The following GRID2 variants were observed in gnomAD, a reference collection of about 807,000 sequenced individuals.
The protein encoded by GRID2 is glutamate ionotropic receptor delta type subunit 2.
GRID2 carries 33 observed loss-of-function variants against 114.8 expected under a neutral mutation model. The observed-to-expected ratio is 0.29, with a 90% confidence interval of 0.22 to 0.38. The LOEUF (loss-of-function observed/expected upper bound fraction) is 0.38, where lower values mean the gene tolerates loss of function less well. Among genes scored for constraint, GRID2 ranks in the 10% least tolerant of loss-of-function variants. The pLI is 1.00. For synonymous variants in GRID2, 505 were observed against 449.9 expected (o/e 1.12, Z -1.55); for missense variants, 1,184 against 1,257.7 (o/e 0.94, Z 0.89).
At chr4:93,066,396 A>T (rs1045638749) in intron 2 of GRID2, among the ~76,000 whole-genome samples, 1 of 151,928 alleles carries the variant, frequency 6.6e-6, no homozygotes, top group Non-Finnish European at 1.5e-5. Context: ...TGCCTGGACA[A>T]ATTAATATTC....
intron 2 of GRID2, among the ~76,000 whole-genome samples, chr4:92,676,068 A>G (rs1339990679): frequency 6.6e-6 from 1 of 151,512 alleles, no homozygotes; most frequent in African/African-American, 2.4e-5. Flanking sequence ...ATATTTTGTC[A>G]TAAATATAAC....
chr4:92,430,561 T>C (rs1732391162), intron 1 of GRID2, among the ~76,000 whole-genome samples: 1 of 152,152 alleles, frequency 6.6e-6, no homozygotes, highest in African/African-American at 2.4e-5. Flanking sequence ...AGTTTTTCTC[T>C]TTTTGCTTAG....
chr4:93,678,194 G>A (rs186065302), intron 14 of GRID2, among the ~76,000 whole-genome samples: 1 of 152,210 alleles, frequency 6.6e-6, no homozygotes, highest in Non-Finnish European at 1.5e-5. Flanking sequence ...AAGATGAAAT[G>A]AATGAAATGA....
chr4:92,451,253 C>G (rs1236569671), intron 1 of GRID2, among the ~76,000 whole-genome samples: 7 of 151,986 alleles, frequency 4.6e-5, no homozygotes, highest in Non-Finnish European at 1.0e-4. Context: ...TTGAATCAGA[C>G]TGATGAATTC....
At chr4:92,317,983 T>C (rs147381868) in intron 1 of GRID2, among the ~76,000 whole-genome samples, 21 of 152,272 alleles carry the variant, frequency 1.4e-4, no homozygotes, top group African/African-American at 4.6e-4. Context: ...TTTAGATAAT[T>C]ATGTATAAAC....
intron 2 of GRID2, among the ~76,000 whole-genome samples, chr4:92,659,266 C>T (rs1732405935): frequency 6.6e-6 from 1 of 151,570 alleles, no homozygotes; most frequent in South Asian, 2.1e-4. Context: ...TTGCCATTTA[C>T]ATGTTTTTTA....
intron 1 of GRID2, among the ~76,000 whole-genome samples, chr4:92,323,303 T>G (rs193137844): frequency 1.4e-4 from 21 of 152,238 alleles, no homozygotes; most frequent in Admixed American, 2.6e-4. Flanking sequence ...TTTAAAAGGC[T>G]ATTTGTTATA....
intron 4 of GRID2, among the ~76,000 whole-genome samples, chr4:93,113,413 C>T (rs979397971): frequency 2.0e-5 from 3 of 152,144 alleles, no homozygotes; most frequent in Admixed American, 6.6e-5. Context: ...GTGCACTTAA[C>T]CTTGGTTCCC....
chr4:93,684,176 T>C (rs1032274085), intron 14 of GRID2, among the ~76,000 whole-genome samples: 3 of 152,244 alleles, frequency 2.0e-5, no homozygotes, highest in Admixed American at 6.5e-5. Flanking sequence ...GTTTTTGTCT[T>C]TCTGACTTTT....
At chr4:93,786,540 G>C (rs868055796) in intron 1 of GRID2, among the ~76,000 whole-genome samples, 1 of 152,082 alleles carries the variant, frequency 6.6e-6, no homozygotes, top group Non-Finnish European at 1.5e-5. Context: ...CATTTTTTTT[G>C]TAACTGCATG....
At chr4:92,740,694 A>AGAT (rs869051097) in intron 2 of GRID2, among the ~76,000 whole-genome samples, 18 of 16,172 alleles carry the variant, frequency 1.1e-3, no homozygotes, top group African/African-American at 4.0e-3. Context: ...GATAGATGAT[A>AGAT]GATAGATAGA....
intron 1 of GRID2, among the ~76,000 whole-genome samples, chr4:92,529,171 T>A (rs761706644): frequency 9.9e-5 from 15 of 152,038 alleles, no homozygotes; most frequent in Non-Finnish European, 1.8e-4. Flanking sequence ...TAATCATAAT[T>A]CATCATTATC....
At chr4:93,620,419 A>G (rs1348644565) in intron 13 of GRID2, among the ~76,000 whole-genome samples, 1 of 152,210 alleles carries the variant, frequency 6.6e-6, no homozygotes, top group African/African-American at 2.4e-5. Flanking sequence ...GATTCAAATC[A>G]AAATTGGTGA....
chr4:93,118,026 T>A (rs1010506284), intron 4 of GRID2, among the ~76,000 whole-genome samples: 3 of 152,122 alleles, frequency 2.0e-5, no homozygotes, highest in Non-Finnish European at 4.4e-5. Context: ...TATTTTGAGC[T>A]CTCCATCTCA....
At chr4:93,276,497 G>A (rs1259864991) in intron 8 of GRID2, among the ~76,000 whole-genome samples, 3 of 151,976 alleles carry the variant, frequency 2.0e-5, no homozygotes, top group East Asian at 1.9e-4. Context: ...GATGGGGATT[G>A]TGTTGAATCT....
At chr4:92,992,818 G>A (rs1445055904) in intron 2 of GRID2, among the ~76,000 whole-genome samples, 1 of 152,096 alleles carries the variant, frequency 6.6e-6, no homozygotes, top group Non-Finnish European at 1.5e-5. Flanking sequence ...ATGCCTTTCA[G>A]AATTTTTCAC....
At chr4:92,377,002 A>AT in intron 1 of GRID2, among the ~76,000 whole-genome samples, 1 of 152,076 alleles carries the variant, frequency 6.6e-6, no homozygotes, top group South Asian at 2.1e-4. Context: ...CCCTGGAAAT[A>AT]TTTTTGCCAT....
At chr4:92,608,064 A>G (rs1472774827) in intron 2 of GRID2, among the ~76,000 whole-genome samples, 3 of 151,856 alleles carry the variant, frequency 2.0e-5, no homozygotes, top group African/African-American at 7.2e-5. Flanking sequence ...AGTCTAAGCA[A>G]CAGAATCAGG....
chr4:93,259,618 T>C (rs1356330439), intron 8 of GRID2, among the ~76,000 whole-genome samples: 1 of 151,890 alleles, frequency 6.6e-6, no homozygotes, highest in Non-Finnish European at 1.5e-5. Flanking sequence ...TATTTTTATT[T>C]TTATGCAAAG....
Sources: allele counts gnomAD v4.1 joint callset (sites outside exome capture counted in the v4.1 genomes callset), GRCh38; gene constraint gnomAD v4.1.1; transcripts MANE v1.5; gene names NCBI Gene and HGNC (gene_info 2026-07-23, HGNC 2026-07-21).